PLCB2: variants seen among roughly 807,000 people sequenced by gnomAD.
The protein encoded by PLCB2 is phospholipase C beta 2.
In PLCB2, 115 loss-of-function variants were observed where a neutral mutation model predicts 141.7. The observed-to-expected ratio is 0.81, with a 90% CI of 0.70 to 0.95. The LOEUF (loss-of-function observed/expected upper bound fraction) is 0.95. PLCB2 is among the 40% of genes least tolerant of loss of function. The pLI, the probability that PLCB2 is intolerant of heterozygous loss-of-function variation, is 0.00. For synonymous variants in PLCB2, 603 were observed against 595.6 expected (o/e 1.01, Z -0.18); for missense variants, 1,403 against 1,541.1 (o/e 0.91, Z 1.50).
chr15:40,298,655 C>G lies in PLCB2; in HGVS notation c.904G>C (p.Val302Leu), dbSNP rs377255161. The change falls in exon 10 of 32, where the codon GTG becomes CTG. Residue 302 changes from valine (V) to leucine (L), a missense_variant. This residue lies in a region of PLCB2 where 975 missense variants were observed against 1,141.1 expected (regional missense o/e 0.85). Transcript: ENST00000260402. ...AGCAGCAGCTTGTCCTGGGCCAGCA[C>G]GCTGTTCTCTGGCCCACAGAGAAAC... ...VWFLCGPENSVLAQDKLLLHH... is the reference protein window; with the variant it reads ...VWFLCGPENSLLAQDKLLLHH... The G allele has an allele frequency of 6.2e-7, 1 of 1,614,160 alleles. No individual in the cohort carries two copies. Among genetic ancestry groups the G allele is most frequent in the Non-Finnish European group, 8.5e-7 (1 of 1,179,988 alleles).
chr15:40,302,461 T>C lies in PLCB2; in HGVS notation c.372+8A>G. On this transcript the variant is annotated splice_region_variant and intron_variant, in intron 4 of 31. Transcript: ENST00000260402. ...GCCCAGACCCAGGCCCAGTGCTCCC[T>C]GGCACACCTTGCCCACGTTCTCCTT... is the stretch of plus-strand genomic sequence containing the variant. The C allele has an allele frequency of 1.2e-6, 2 of 1,613,996 alleles. No homozygotes were observed. Among genetic ancestry groups the C allele is most frequent in the East Asian group, 4.5e-5 (2 of 44,868 alleles).
chr15:40,297,996 C>T lies in PLCB2; in HGVS notation c.1156-37G>A, dbSNP rs368705449. 14 of 1,460,154 alleles carry T rather than the reference C, an allele frequency of 9.6e-6. No individual in the cohort carries two copies. The highest frequency in any genetic ancestry group is 1.4e-5 in the African/African-American group (1 of 70,838). The allele number at this position is 1,460,154 out of a possible 1,614,324, so 90.4% of individuals were successfully genotyped here. A position where few individuals can be genotyped will look rare whatever the true frequency, so the allele number is the denominator to read the frequency against. On this transcript the variant is annotated intron_variant, in intron 11 of 31. Transcript: ENST00000260402. The surrounding 1 kb of genome is among the most constrained non-coding windows in gnomAD (Gnocchi z 4.2). ...GGAGACTCCATGAACAGAAGGTCAG[C>T]GTTCCGACTGCCTGTCTCGTGATAG...
chr15:40,306,546 G>A (rs1375052719), intron 1 of PLCB2, among the ~76,000 whole-genome samples: 3 of 152,084 alleles, frequency 2.0e-5, no homozygotes, highest in African/African-American at 7.2e-5. Context: ...TCACCTCCAT[G>A]CCACTGCCAT....
Position 40,307,750 on chromosome 15 carries a change from G to A in PLCB2, c.-78C>T. 1 of 1,285,952 alleles carries A rather than the reference G, an allele frequency of 7.8e-7. No homozygotes were observed. The highest frequency in any genetic ancestry group is 1.5e-5 in the South Asian group (1 of 66,724). 79.7% of individuals were successfully genotyped at this position (1,285,952 alleles called of 1,614,324 possible). On this transcript the variant is annotated 5_prime_UTR_variant, in exon 1 of 32. Coordinates refer to ENST00000260402, the MANE Select transcript of PLCB2 (RefSeq NM_004573.3). The stretch of plus-strand genomic sequence containing the variant: ...GGCAGGAAGGAGGCCAGCCAGGAGG[G>A]GGAGCCAAGCTGGGCTCAAATGGCA...
intron 27 of PLCB2, 63 bp downstream of exon 27, chr15:40,290,955 G>A: frequency 6.6e-7 from 1 of 1,512,722 alleles, no homozygotes. Context: ...AGGGGCGAAT[G>A]GGGTCCATGG....
At chr15:40,307,323 A>G (rs2040848474) in intron 1 of PLCB2, among the ~76,000 whole-genome samples, 1 of 152,118 alleles carries the variant, frequency 6.6e-6, no homozygotes, top group Non-Finnish European at 1.5e-5. Context: ...GAAGAGAAGC[A>G]GACCCAAATA....
Position 40,291,072 on chromosome 15 carries a change from C to T in PLCB2, c.2982G>A (p.Gln994=), listed in dbSNP as rs1374308665. The T allele has an allele frequency of 1.9e-6, 3 of 1,591,066 alleles. No individual in the cohort carries two copies. Among genetic ancestry groups the T allele is most frequent in the Non-Finnish European group, 2.6e-6 (3 of 1,176,458 alleles). The part of the protein sequence containing the change: ...KDRLELELLR[Q]GEEQYECVLK... ...GAACGCACTCGTACTGCTCCTCGCC[C>T]TGCCGCAGCAGCTCCAGCTCCAGCC... Residue 994 remains glutamine, a synonymous_variant, in exon 27 of 32, where the codon CAG becomes CAA. Transcript: ENST00000260402.
chr15:40,287,933 G>A lies in PLCB2; in HGVS notation c.*782C>T, dbSNP rs1257780249. ...ACACTGGGACGAGGTTCTTTAATAG[G>A]AGTAGGAAAGAGAAAAATAAATAAA... is the stretch of plus-strand genomic sequence containing the variant. On this transcript the variant is annotated 3_prime_UTR_variant, in exon 32 of 32. Coordinates refer to ENST00000260402, the MANE Select transcript of PLCB2 (RefSeq NM_004573.3). 4.1e-6 allele frequency: 4 copies of A among 983,818 alleles called. No individual in the cohort carries two copies. In the African/African-American group the frequency reaches 7.0e-5, roughly 17 times the overall value. The allele number at this position is 983,818 out of a possible 1,614,324, so 60.9% of individuals were successfully genotyped here.
chr15:40,291,259 C>A lies in PLCB2; in HGVS notation c.2870+6G>T, dbSNP rs1288724812. 6 of 1,570,978 alleles carry A rather than the reference C, an allele frequency of 3.8e-6. No individual in the cohort carries two copies. The Admixed American group carries it at 5.3e-5, about 14-fold the overall frequency. Reference sequence around the variant, plus strand: ...GCAGAGGGCAGGGCACCGCCACGAGCCTTACCTCTTCTTGCGAGAGCCCTT... The same window carrying A: ...GCAGAGGGCAGGGCACCGCCACGAGACTTACCTCTTCTTGCGAGAGCCCTT... On this transcript the variant is annotated splice_donor_region_variant and intron_variant, in intron 26 of 31. Transcript: ENST00000260402.
In PLCB2 at chr15:40,302,136, T is replaced by A; in HGVS notation, c.506A>T (p.Asn169Ile). 6.2e-7 allele frequency: 1 copy of A among 1,611,522 alleles called. No individual in the cohort carries two copies. Among genetic ancestry groups the A allele is most frequent in the Non-Finnish European group, 8.5e-7 (1 of 1,178,314 alleles). ...CCTGGGGAGGGGTTGGGGGGCTCAC[T>A]TCTTCACCGGAATCTTCCCTTCAGA... The part of the protein sequence containing the change: ...LNSEGKIPVK[N>I]FFQMFPADRK... Residue 169 changes from asparagine to isoleucine, a missense_variant and splice_region_variant, in exon 6 of 32, where the codon AAC (asparagine) becomes ATC (isoleucine). Asn to Ile is a moderately radical substitution (Grantham distance 149). Around this residue, in one of 4 missense-constraint regions of PLCB2, gnomAD observed 975 missense variants for 1,141.1 expected, o/e 0.85. Coordinates refer to ENST00000260402, the MANE Select transcript of PLCB2 (RefSeq NM_004573.3).
At position 40,302,288 on chromosome 15, in the gene PLCB2, C is replaced by T; in HGVS notation, c.434G>A (p.Ser145Asn). The T allele has an allele frequency of 6.2e-7, 1 of 1,614,192 alleles. No individual in the cohort carries two copies. The highest frequency in any genetic ancestry group is 8.5e-7 in the Non-Finnish European group (1 of 1,180,020). The change falls in exon 5 of 32, where the codon AGC (serine) becomes AAC (asparagine). Residue 145 changes from serine to asparagine, a missense_variant. By Grantham distance (46) the Ser-to-Asn change is conservative. This residue lies in a region of PLCB2 where 975 missense variants were observed against 1,141.1 expected (regional missense o/e 0.85). Transcript: ENST00000260402. ...CACTTACATCTTGTCCAGGAAGGTG[C>T]TGCGGGAGGCGTTGGCCGTCAGCGG... ...KHPLTANASRSTFLDKILVKL... is the reference protein window; with the variant it reads ...KHPLTANASRNTFLDKILVKL...
intron 16 of PLCB2, 109 bp from the exon 17 acceptor site, chr15:40,295,394 C>A (rs2040154559): frequency 4.1e-6 from 3 of 726,750 alleles, no homozygotes; most frequent in Admixed American, 2.1e-5. Context: ...TGCCTCCACC[C>A]CAGCATTTCC....
At chr15:40,290,198 C>T in intron 29 of PLCB2, 116 bp from the exon 30 acceptor site, 2 of 748,598 alleles carry the variant, frequency 2.7e-6, no homozygotes, top group Non-Finnish European at 4.9e-6. Context: ...CAGGAACCAG[C>T]TGGGGGCAGG....
intron 7 of PLCB2, among the ~76,000 whole-genome samples, chr15:40,299,734 T>C (rs1316849408): frequency 6.6e-6 from 1 of 152,022 alleles, no homozygotes; most frequent in Non-Finnish European, 1.5e-5. Context: ...GTCATCAAAA[T>C]TAAAAACTTT....
chr15:40,296,478 C>A (rs371635603), intron 15 of PLCB2, 44 bp downstream of exon 15: 3 of 1,613,456 alleles, frequency 1.9e-6, no homozygotes, highest in Admixed American at 1.7e-5. Context: ...GGGGGCTTAA[C>A]GGTGGAGGAT....
chr15:40,296,324 G>T lies in PLCB2; in HGVS notation c.1668C>A (p.Thr556=). Residue 556 remains threonine, a synonymous_variant, in exon 16 of 32, where the codon ACC becomes ACA. Transcript: ENST00000260402. ...CAGAGAACTCAAAGGAGACGAACTT[G>T]GTGGGCTGGATGTAATTGACTAGGC... ...MSSLVNYIQP[T]KFVSFEFSAQ... 1 of 1,613,670 alleles carries T rather than the reference G, an allele frequency of 6.2e-7. No individual in the cohort carries two copies. Among genetic ancestry groups the T allele is most frequent in the Non-Finnish European group, 8.5e-7 (1 of 1,179,810 alleles).
rs201513540 is a variant in PLCB2, at chr15:40,290,618, C to A, written c.3168G>T (p.Gln1056His). Residue 1056 changes from glutamine (Q) to histidine (H), a missense_variant, in exon 29 of 32, where the codon CAG (glutamine) becomes CAT (histidine). By Grantham distance (24) the Gln-to-His change is conservative. Transcript: ENST00000260402. ...TGTCTGTGGTGACTTTGGTCATGCCCTGGATCCGCTCCAGTCTCTTTGTCT... is the reference window on the plus strand; with the variant it reads ...TGTCTGTGGTGACTTTGGTCATGCCATGGATCCGCTCCAGTCTCTTTGTCT... ...KLETKRLERI[Q>H]GMTKVTTDKM... 69 of 1,614,054 alleles carry A rather than the reference C, an allele frequency of 4.3e-5. No individual in the cohort carries two copies. In the African/African-American group the frequency reaches 8.5e-4, roughly 20 times the overall value.
chr15:40,300,290 G>A (rs904959599), intron 7 of PLCB2, among the ~76,000 whole-genome samples: 2 of 152,190 alleles, frequency 1.3e-5, no homozygotes, highest in South Asian at 4.1e-4. Flanking sequence ...ACTCCAGCCC[G>A]GGCAACAGAG....
In PLCB2 at chr15:40,298,975, G is replaced by C. The variant is rs2040375929; in HGVS notation, c.684-11C>G. 6.4e-7 allele frequency: 1 copy of C among 1,558,982 alleles called. No individual in the cohort carries two copies. The highest frequency in any genetic ancestry group is 1.9e-5 in the African/African-American group (1 of 51,354). On this transcript the variant is annotated splice_polypyrimidine_tract_variant and intron_variant, in intron 8 of 31. Coordinates refer to ENST00000260402, the MANE Select transcript of PLCB2 (RefSeq NM_004573.3). ...TTGGCCTTAGCATGGCTTCAAGCCA[G>C]AGAGAAGAGCACAGGTCCATATCCC...
Sources: gnomAD v4.1 joint callset for allele counts (sites outside exome capture counted in the v4.1 genomes callset) on GRCh38, gnomAD v4.1.1 for gene constraint, gnomAD v4.1.1 regional missense constraint, Gnocchi (gnomAD v3.1) non-coding constraint, MANE v1.5 for transcripts, NCBI Gene and HGNC (gene_info 2026-07-23, HGNC 2026-07-21) for gene names.